Variants in KATNIP observed in about 807,000 individuals in gnomAD.
KATNIP encodes the protein katanin interacting protein.
Under a neutral mutation model 174.0 loss-of-function variants are expected in KATNIP, and 126 were observed. That is an observed-to-expected ratio of 0.72 (90% confidence interval 0.63 to 0.84). The LOEUF (loss-of-function observed/expected upper bound fraction) is 0.84, where lower values mean the gene tolerates loss of function less well. Among genes scored for constraint, KATNIP ranks in the 40% least tolerant of loss-of-function variants. The pLI is 0.00. For synonymous variants in KATNIP, 810 were observed against 835.7 expected, an observed-to-expected ratio of 0.97 and a Z score of 0.53; for missense variants, 1,958 against 2,109.7, an observed-to-expected ratio of 0.93 and a Z score of 1.41.
intron 14 of KATNIP, among the ~76,000 whole-genome samples, chr16:27,723,345 G>A (rs763402510): frequency 7.2e-5 from 11 of 151,824 alleles, no homozygotes; most frequent in South Asian, 2.1e-4. Context: ...TTTCCATCCC[G>A]TGAACATAGC....
At chr16:27,622,255 A>G (rs1461006894) in intron 3 of KATNIP, among the ~76,000 whole-genome samples, 1 of 152,120 alleles carries the variant, frequency 6.6e-6, no homozygotes, top group Non-Finnish European at 1.5e-5. Flanking sequence ...GCGCAAGGCC[A>G]CCTATAACTA....
intron 2 of KATNIP, among the ~76,000 whole-genome samples, chr16:27,601,452 A>C (rs1189043775): frequency 1.3e-5 from 2 of 151,850 alleles, no homozygotes; most frequent in African/African-American, 4.8e-5. Context: ...AACAGAGGCA[A>C]TGACCTTTAT....
At chr16:27,760,626 A>G (rs59831137) in intron 18 of KATNIP, among the ~76,000 whole-genome samples, 2,087 of 152,306 alleles carry the variant, frequency 0.014, 38 homozygotes, top group African/African-American at 0.039. Context: ...GTCTCCATGT[A>G]GTTGCTGGTT....
rs745852526 is a variant in KATNIP at position 27,698,319 on chromosome 16, T to C, written c.941-9T>C. ...TCTAAAAGAACGTCCCCCTGTCTTC[T>C]GCCCTCAGGACCTGGAAGCCGGCGA... On this transcript the variant is annotated splice_polypyrimidine_tract_variant and intron_variant, in intron 8 of 27. Transcript: ENST00000261588. The C allele has an allele frequency of 2.5e-6, 4 of 1,603,740 alleles. No homozygotes were observed. Among genetic ancestry groups the C allele is most frequent in the Non-Finnish European group, 3.4e-6 (4 of 1,173,306 alleles).
chr16:27,706,272 C>G (rs1207675193), intron 12 of KATNIP, among the ~76,000 whole-genome samples: 1 of 152,172 alleles, frequency 6.6e-6, no homozygotes, highest in Non-Finnish European at 1.5e-5. Flanking sequence ...AAGCCTGTTT[C>G]TCCCCATGTA....
chr16:27,661,937 T>TATATATATACACATAC lies in KATNIP; in HGVS notation c.540+13211_540+13212insCACATACATATATATA, dbSNP rs2077497904. ...ATATATATATATATATATATATATA[T>TATATATATACACATAC]ATATATATATATATATATACACATA... On this transcript the variant is annotated intron_variant, in intron 6 of 27. Coordinates refer to ENST00000261588, the MANE Select transcript of KATNIP (RefSeq NM_015202.5). Among the ~76,000 whole-genome samples the TATATATATACACATAC allele has an allele frequency of 8.0e-4, 51 of 63,916 alleles. 8 individuals are homozygous for TATATATATACACATAC. Among genetic ancestry groups the TATATATATACACATAC allele is most frequent in the Non-Finnish European group, 1.3e-3 (46 of 35,688 alleles). 41.9% of individuals were successfully genotyped at this position (63,916 alleles called of 152,430 possible). A position where few individuals can be genotyped will look rare whatever the true frequency, so the allele number is the denominator to read the frequency against.
intron 8 of KATNIP, among the ~76,000 whole-genome samples, chr16:27,691,801 A>G (rs147324857): frequency 6.6e-6 from 1 of 152,206 alleles, no homozygotes; most frequent in African/African-American, 2.4e-5. Context: ...TTTCCTCCCA[A>G]ATGAAAGACG....
chr16:27,659,060 C>T (rs1033095118), intron 6 of KATNIP, among the ~76,000 whole-genome samples: 2 of 152,080 alleles, frequency 1.3e-5, no homozygotes, highest in Non-Finnish European at 2.9e-5. Flanking sequence ...AGCCACCATG[C>T]CTGGCCTGTA....
rs930894541 is a variant in KATNIP at position 27,637,947 on chromosome 16, C to T, written c.408+6785C>T. ...TACGTCTCTCTCCACCAACCTTCCC[C>T]AGCCCCCGTCCTTGCACTTCTGTTC... On this transcript the variant is annotated intron_variant, in intron 5 of 27. Transcript: ENST00000261588. The surrounding 1 kb of genome is among the most constrained non-coding windows in gnomAD (Gnocchi z 4.7). 6.6e-6 allele frequency among the ~76,000 whole-genome samples: 1 copy of T among 152,200 alleles called. No individual in the cohort carries two copies. The highest frequency in any genetic ancestry group is 2.4e-5 in the African/African-American group (1 of 41,456).
chr16:27,630,008 G>A (rs570039505), intron 4 of KATNIP, among the ~76,000 whole-genome samples: 1 of 152,136 alleles, frequency 6.6e-6, no homozygotes, highest in South Asian at 2.1e-4. Flanking sequence ...GCAAGACCCT[G>A]TTTCAAAATA....
chr16:27,740,050 A>C lies in KATNIP; in HGVS notation c.1753A>C (p.Ile585Leu). 6.2e-7 allele frequency: 1 copy of C among 1,610,970 alleles called. No individual in the cohort carries two copies. Among genetic ancestry groups the C allele is most frequent in the Non-Finnish European group, 8.5e-7 (1 of 1,177,812 alleles). Residue 585 changes from isoleucine (I) to leucine (L), a missense_variant, in exon 15 of 28, where the codon ATT becomes CTT. Coordinates refer to ENST00000261588, the MANE Select transcript of KATNIP (RefSeq NM_015202.5). ...AATCTTATGGTTTCAGGATCTTGAC[A>C]TTGGTGCCAAGAACGTGAAGCTTTA... ...NYWTADGDLD[I>L]GAKNVKLYVN...
At chr16:27,626,674 C>T (rs889250172) in intron 3 of KATNIP, among the ~76,000 whole-genome samples, 2 of 152,128 alleles carry the variant, frequency 1.3e-5, no homozygotes, top group African/African-American at 2.4e-5. Context: ...GTGATTATGG[C>T]CAGGCACAGT....
At chr16:27,562,910 C>G (rs2089944742) in intron 1 of KATNIP, among the ~76,000 whole-genome samples, 1 of 152,218 alleles carries the variant, frequency 6.6e-6, no homozygotes, top group African/African-American at 2.4e-5. Flanking sequence ...GGGAAGGGAT[C>G]AGGAAAGCAC....
chr16:27,658,816 G>A (rs2077376329), intron 6 of KATNIP, among the ~76,000 whole-genome samples: 1 of 152,166 alleles, frequency 6.6e-6, no homozygotes, highest in Admixed American at 6.6e-5. Flanking sequence ...AGGCTGGAGT[G>A]CAGTGGCATG....
rs781604423 is a variant in KATNIP at position 27,740,478 on chromosome 16, TGAG to T, written c.2185_2187del (p.Glu729del). 2.5e-6 allele frequency: 4 copies of T among 1,613,942 alleles called. No individual in the cohort carries two copies. The African/African-American group carries it at 5.3e-5, about 22-fold the overall frequency. ...CACCTGTGAAGTGCCCTCCTGTCCATGAGGAGCCCTCTCTCATCCAACAACTGG... is the reference window on the plus strand; with the variant it reads ...CACCTGTGAAGTGCCCTCCTGTCCATGAGCCCTCTCTCATCCAACAACTGG... On this transcript the variant is annotated inframe_deletion, in exon 15 of 28. Transcript: ENST00000261588.
chr16:27,689,306 C>T (rs1380137561), intron 8 of KATNIP, among the ~76,000 whole-genome samples: 2 of 152,014 alleles, frequency 1.3e-5, no homozygotes, highest in Non-Finnish European at 2.9e-5. Context: ...GTCCCAGCTA[C>T]TCAGGAGGCT....
intron 1 of KATNIP, among the ~76,000 whole-genome samples, chr16:27,554,221 T>C (rs986617634): frequency 1.6e-4 from 25 of 152,146 alleles, no homozygotes; most frequent in African/African-American, 6.0e-4. Context: ...CCCAGCACTT[T>C]GAGAGGCCAA....
chr16:27,749,931 G>A lies in KATNIP; in HGVS notation c.2971G>A (p.Val991Ile), dbSNP rs368102048. Reference sequence around the variant, plus strand: ...GTCTACCTGGGGGGACAGACACTATGTCGGCCTCAACGGAATAGAAATATT... The same window carrying A: ...GTCTACCTGGGGGGACAGACACTATATCGGCCTCAACGGAATAGAAATATT... ...IKSTWGDRHYVGLNGIEIFSS... is the reference protein window; with the variant it reads ...IKSTWGDRHYIGLNGIEIFSS... Residue 991 changes from valine to isoleucine, a missense_variant, in exon 16 of 28, where the codon GTC becomes ATC. Around this residue, in one of 3 missense-constraint regions of KATNIP, gnomAD observed 1,557 missense variants for 1,617.8 expected, o/e 0.96. Transcript: ENST00000261588. The A allele has an allele frequency of 1.2e-6, 2 of 1,614,084 alleles. No individual in the cohort carries two copies. The highest frequency in any genetic ancestry group is 1.7e-6 in the Non-Finnish European group (2 of 1,180,044).
intron 13 of KATNIP, among the ~76,000 whole-genome samples, chr16:27,721,248 C>T (rs1321988848): frequency 6.6e-6 from 1 of 152,214 alleles, no homozygotes. Flanking sequence ...GCGCTCTCCT[C>T]AAAGCCGATT....
Sources: gnomAD v4.1 joint callset for allele counts (sites outside exome capture counted in the v4.1 genomes callset) on GRCh38, gnomAD v4.1.1 for gene constraint, gnomAD v4.1.1 regional missense constraint, Gnocchi (gnomAD v3.1) non-coding constraint, MANE v1.5 for transcripts, NCBI Gene and HGNC (gene_info 2026-07-23, HGNC 2026-07-21) for gene names.